Variants in EYA4 observed in about 807,000 individuals in gnomAD.
EYA4 encodes EYA transcriptional coactivator and phosphatase 4.
Under a neutral mutation model 87.9 loss-of-function variants are expected in EYA4, and 31 were observed. The observed-to-expected ratio is 0.35, with a 90% CI of 0.27 to 0.48. The LOEUF (loss-of-function observed/expected upper bound fraction) is 0.48, where lower values mean the gene tolerates loss of function less well. Among genes scored for constraint, EYA4 ranks in the 20% least tolerant of loss-of-function variants. The pLI is 0.99. For missense variants in EYA4, 678 were observed against 761.4 expected (o/e 0.89, Z 1.29); for synonymous variants, 263 against 270.6 (o/e 0.97, Z 0.28).
chr6:133,348,245 C>T (rs1388877603), intron 2 of EYA4, among the ~76,000 whole-genome samples: 1 of 150,258 alleles, frequency 6.7e-6, no homozygotes, highest in African/African-American at 2.5e-5. Context: ...AATCTTCCTC[C>T]TCATCTCTTC....
In EYA4 at chr6:133,274,653, G is replaced by A. The variant is rs946216162; in HGVS notation, c.-65-63G>A. ...CCATGCTATGTCTTGATATGTTTTT[G>A]TAACCTTACAAATGAATATAAAGAT... On this transcript the variant is annotated intron_variant, in intron 1 of 19. Coordinates refer to ENST00000355286, the MANE Select transcript of EYA4 (RefSeq NM_004100.5). 8 of 801,734 alleles carry A rather than the reference G, an allele frequency of 1.0e-5. No individual in the cohort carries two copies. The African/African-American group carries it at 1.2e-4, about 12-fold the overall frequency. 49.7% of individuals were successfully genotyped at this position (801,734 alleles called of 1,614,324 possible).
At chr6:133,461,638 G>A (rs527319038) in intron 7 of EYA4, among the ~76,000 whole-genome samples, 1 of 152,112 alleles carries the variant, frequency 6.6e-6, no homozygotes, top group Non-Finnish European at 1.5e-5. Context: ...AATTGGTTTG[G>A]AATCAGCCAG....
At chr6:133,524,914 C>A in intron 18 of EYA4, 2 of 980,050 alleles carry the variant, frequency 2.0e-6, no homozygotes, top group Admixed American at 1.7e-5. Context: ...AGGTTGTGAG[C>A]CAGTTCAAGT....
At chr6:133,466,773 TAAA>T (rs5880182) in intron 10 of EYA4, among the ~76,000 whole-genome samples, 19 of 136,452 alleles carry the variant, frequency 1.4e-4, no homozygotes, top group African/African-American at 5.2e-4. Context: ...TCACTGAACT[TAAA>T]AAAAAAAAAA....
chr6:133,352,901 A>G (rs941348246), intron 2 of EYA4, among the ~76,000 whole-genome samples: 1 of 152,222 alleles, frequency 6.6e-6, no homozygotes, highest in African/African-American at 2.4e-5. Flanking sequence ...CACATGTCTT[A>G]GCTCAAAATA....
At chr6:133,241,019 C>A (rs1773897710), upstream of EYA4, among the ~76,000 whole-genome samples, 1 of 151,812 alleles carries the variant, frequency 6.6e-6, no homozygotes, top group Admixed American at 6.5e-5. Flanking sequence ...GAGGCTGCAG[C>A]CGCTCGAGTC....
chr6:133,257,488 A>G (rs770791810), intron 1 of EYA4, among the ~76,000 whole-genome samples: 2 of 152,180 alleles, frequency 1.3e-5, no homozygotes, highest in Non-Finnish European at 2.9e-5. Context: ...TTCTTGAGTA[A>G]AGTATTATTT....
intron 11 of EYA4, among the ~76,000 whole-genome samples, chr6:133,475,636 A>G (rs1420290381): frequency 6.6e-6 from 1 of 152,170 alleles, no homozygotes; most frequent in African/African-American, 2.4e-5. Context: ...TTAGATAGAA[A>G]GGACCACATT....
At chr6:133,503,188 C>G (rs1798287501) in intron 13 of EYA4, among the ~76,000 whole-genome samples, 1 of 152,166 alleles carries the variant, frequency 6.6e-6, no homozygotes, top group Non-Finnish European at 1.5e-5. Flanking sequence ...ATGCATTCTT[C>G]ATGGATTTTC....
chr6:133,506,108 T>C lies in EYA4; in HGVS notation c.1194T>C (p.Asp398=). ...TGSYAQKYGK[D]PPMAVTLGLR... ...TTATGTGTACATTTTCTTTACAGGA[T>C]CCCCCCATGGCTGTAACCCTTGGAC... Residue 398 remains aspartate, a splice_region_variant and synonymous_variant, in exon 14 of 20, where the codon GAT becomes GAC. Coordinates refer to ENST00000355286, the MANE Select transcript of EYA4 (RefSeq NM_004100.5). The C allele has an allele frequency of 6.3e-7, 1 of 1,590,776 alleles. No homozygotes were observed. Among genetic ancestry groups the C allele is most frequent in the Non-Finnish European group, 8.6e-7 (1 of 1,158,898 alleles).
At chr6:133,364,920 A>G (rs1005142594) in intron 2 of EYA4, among the ~76,000 whole-genome samples, 22 of 152,192 alleles carry the variant, frequency 1.4e-4, no homozygotes, top group Admixed American at 1.2e-3. Flanking sequence ...CCAGTTAGGG[A>G]TCATCCTCTT....
At chr6:133,390,664 T>C (rs1370086862) in intron 3 of EYA4, among the ~76,000 whole-genome samples, 3 of 152,208 alleles carry the variant, frequency 2.0e-5, no homozygotes, top group Non-Finnish European at 4.4e-5. Flanking sequence ...GTTACATAGG[T>C]AATGTTTTCC....
At chr6:133,320,548 C>T (rs1449204375) in intron 2 of EYA4, among the ~76,000 whole-genome samples, 1 of 150,414 alleles carries the variant, frequency 6.6e-6, no homozygotes, top group Non-Finnish European at 1.5e-5. Context: ...ATTATAAATT[C>T]AGGGGGTACA....
rs1205380783 is a variant in EYA4 at position 133,531,269 on chromosome 6, A to G, written c.*2464A>G. 8 of 1,448,568 alleles carry G rather than the reference A, an allele frequency of 5.5e-6. No homozygotes were observed. The highest frequency in any genetic ancestry group is 6.6e-6 in the Non-Finnish European group (7 of 1,068,458). The allele number at this position is 1,448,568 out of a possible 1,614,324, so 89.7% of individuals were successfully genotyped here. ...GACGGAGAACAGCTTGTCTGGCACAACAATGGTGCAGGCCCACGAGCCAGC... is the reference window on the plus strand; with the variant it reads ...GACGGAGAACAGCTTGTCTGGCACAGCAATGGTGCAGGCCCACGAGCCAGC... On this transcript the variant is annotated 3_prime_UTR_variant, in exon 20 of 20. Transcript: ENST00000355286.
intron 2 of EYA4, among the ~76,000 whole-genome samples, chr6:133,315,419 A>T (rs1286548091): frequency 1.3e-5 from 2 of 152,216 alleles, no homozygotes; most frequent in Admixed American, 1.3e-4. Flanking sequence ...TATTTTTTAA[A>T]TGAGAAAATT....
chr6:133,429,435 TA>T (rs1562410018), intron 3 of EYA4, among the ~76,000 whole-genome samples: 4 of 152,040 alleles, frequency 2.6e-5, no homozygotes, highest in Admixed American at 2.6e-4. Flanking sequence ...AGGGAAGAAT[TA>T]AGGAGAGGCG....
chr6:133,427,957 G>A (rs976483986), intron 3 of EYA4, among the ~76,000 whole-genome samples: 2 of 152,180 alleles, frequency 1.3e-5, no homozygotes, highest in African/African-American at 2.4e-5. Context: ...AGGGAAAGGA[G>A]TGAACACTTT....
At chr6:133,279,415 A>G (rs1443752549) in intron 2 of EYA4, among the ~76,000 whole-genome samples, 1 of 152,104 alleles carries the variant, frequency 6.6e-6, no homozygotes, top group East Asian at 1.9e-4. Context: ...TATGTTACAT[A>G]TTGTATGATT....
chr6:133,247,281 A>T (rs1774486836), intron 1 of EYA4: 1 of 152,244 alleles, frequency 6.6e-6, no homozygotes, highest in Non-Finnish European at 1.5e-5. Flanking sequence ...TTTCCCAATT[A>T]TCAAGAACTT....
Sources: allele counts gnomAD v4.1 joint callset (sites outside exome capture counted in the v4.1 genomes callset), GRCh38; gene constraint gnomAD v4.1.1; transcripts MANE v1.5; gene names NCBI Gene and HGNC (gene_info 2026-07-23, HGNC 2026-07-21).